Variants in DLG4 observed in about 807,000 individuals in gnomAD.
DLG4 encodes the protein disks large homolog 4.
Under a neutral mutation model 93.8 loss-of-function variants are expected in DLG4, and 7 were observed. The observed-to-expected ratio is 0.07, with a 90% confidence interval of 0.04 to 0.14. The LOEUF (loss-of-function observed/expected upper bound fraction) is 0.14, where lower values mean the gene tolerates loss of function less well. DLG4 is among the 10% of genes least tolerant of loss of function. The pLI is 1.00. For synonymous variants in DLG4, 341 were observed against 387.6 expected (o/e 0.88, Z 1.41); for missense variants, 545 against 992.9 (o/e 0.55, Z 6.06).
At chr17:7,209,119 G>A (rs2070611030) in intron 1 of DLG4, among the ~76,000 whole-genome samples, 1 of 152,188 alleles carries the variant, frequency 6.6e-6, no homozygotes, top group East Asian at 1.9e-4. Flanking sequence ...AGCATGCTGA[G>A]CCTCAGAGTG....
intron 1 of DLG4, among the ~76,000 whole-genome samples, chr17:7,212,967 A>T (rs1028422627): frequency 6.6e-6 from 1 of 152,154 alleles, no homozygotes. Context: ...TGGGCAGCAG[A>T]GATTGCAGTG....
chr17:7,219,812 G>A (rs773007123), upstream of DLG4: 21 of 1,528,670 alleles, frequency 1.4e-5, no homozygotes, highest in Non-Finnish European at 1.8e-5. Context: ...TCAGCGGAAC[G>A]CAGGGCCGGG....
intron 17 of DLG4, chr17:7,192,456 G>A (rs1263547281): frequency 5.5e-6 from 1 of 181,060 alleles, no homozygotes; most frequent in East Asian, 1.6e-4. Context: ...CAGATGGGAG[G>A]GAGTGAGGCA....
Position 7,203,001 on chromosome 17 carries a change from G to A in DLG4, c.689C>T (p.Ala230Val), listed in dbSNP as rs1470435082. ...AACATCATACGTGTTCTTCAGGGCTGCCACAGCATCTTCATGCATGACGTC... is the reference window on the plus strand; with the variant it reads ...AACATCATACGTGTTCTTCAGGGCTACCACAGCATCTTCATGCATGACGTC... ...LEDVMHEDAV[A>V]ALKNTYDVVY... is the part of the protein sequence containing the mutation. The change falls in exon 8 of 20, where the codon GCA (alanine) becomes GTA (valine). Residue 230 changes from alanine to valine, a missense_variant. Coordinates refer to ENST00000399506, the MANE Select transcript of DLG4 (RefSeq NM_001321075.3). This position sits in a 1 kb window ranked among gnomAD's most constrained non-coding sequence, Gnocchi z 7.2. 1.9e-6 allele frequency: 3 copies of A among 1,612,840 alleles called. No individual in the cohort carries two copies. The highest frequency in any genetic ancestry group is 2.5e-6 in the Non-Finnish European group (3 of 1,178,932).
chr17:7,198,909 G>A (rs995574035), intron 8 of DLG4, among the ~76,000 whole-genome samples: 3 of 151,670 alleles, frequency 2.0e-5, no homozygotes, highest in East Asian at 1.9e-4. Flanking sequence ...CCAGCTACTC[G>A]GGAGGCTGAG....
Position 7,187,882 on chromosome 17 carries a change from A to G in DLG4, c.*2826T>C, listed in dbSNP as rs577227411. ...TCAAGAGTTTGAGACCAGCTTGGCT[A>G]ACATGGTGAAACCCCGTTTCTACTA... On this transcript the variant is annotated 3_prime_UTR_variant, in exon 20 of 20. Coordinates refer to ENST00000399506, the MANE Select transcript of DLG4 (RefSeq NM_001321075.3). Among the ~76,000 whole-genome samples, 1 of 152,246 alleles carries G rather than the reference A, an allele frequency of 6.6e-6. No homozygotes were observed. The highest frequency in any genetic ancestry group is 2.4e-5 in the African/African-American group (1 of 41,550).
In DLG4 at chr17:7,191,550, C is replaced by T. The variant is rs2069497917; in HGVS notation, c.1977-192G>A. On this transcript the variant is annotated intron_variant, in intron 18 of 19. Transcript: ENST00000399506. The surrounding 1 kb of genome is among the most constrained non-coding windows in gnomAD (Gnocchi z 6.6). ...CCCCTGCCACCCGCAACCGCCCCAG[C>T]CAGGTGTGGCTACTCCAGGGACATC... 1.6e-6 allele frequency: 1 copy of T among 618,658 alleles called. No individual in the cohort carries two copies. The highest frequency in any genetic ancestry group is 1.8e-5 in the African/African-American group (1 of 54,176). The allele number at this position is 618,658 out of a possible 1,614,324, so 38.3% of individuals were successfully genotyped here.
At chr17:7,219,830 G>A (rs370487268), upstream of DLG4, 88 of 1,536,368 alleles carry the variant, frequency 5.7e-5, 1 homozygote, top group African/African-American at 8.6e-4. Flanking sequence ...GGGCTCCAGG[G>A]AACTACAGCT....
rs2069602834 is a variant in DLG4, at chr17:7,193,406, C to A, written c.1693+77G>T. ...ACACCGATCCCCCAGGAGGCTCTGC[C>A]TATGGCCCCAGGGATGGGCCTCCCC... On this transcript the variant is annotated intron_variant, in intron 16 of 19. Transcript: ENST00000399506. The surrounding 1 kb of genome is among the most constrained non-coding windows in gnomAD (Gnocchi z 6.7). The A allele has an allele frequency of 2.1e-6, 3 of 1,395,806 alleles. No homozygotes were observed. The highest frequency in any genetic ancestry group is 2.7e-5 in the Admixed American group (1 of 37,242). The allele number at this position is 1,395,806 out of a possible 1,614,324, so 86.5% of individuals were successfully genotyped here.
At chr17:7,204,473 G>C in intron 2 of DLG4, 1 of 520,814 alleles carries the variant, frequency 1.9e-6, no homozygotes, top group South Asian at 3.0e-5. Flanking sequence ...ACACGCGCAA[G>C]GATCTAACTC....
At chr17:7,209,696 A>C (rs1408153494) in intron 1 of DLG4, among the ~76,000 whole-genome samples, 1 of 151,974 alleles carries the variant, frequency 6.6e-6, no homozygotes, top group African/African-American at 2.4e-5. Flanking sequence ...CTTGAGCCCA[A>C]GAGGTGGAGG....
chr17:7,192,295 G>A, intron 17 of DLG4: 1 of 392,580 alleles, frequency 2.5e-6, no homozygotes. Context: ...GATGGTGGCA[G>A]AGCCGGGGCA....
intron 8 of DLG4, among the ~76,000 whole-genome samples, chr17:7,197,271 G>A (rs1392599557): frequency 6.6e-6 from 1 of 152,038 alleles, no homozygotes; most frequent in African/African-American, 2.4e-5. Flanking sequence ...GGGGATAAAG[G>A]ATTTGAACGT....
At position 7,194,510 on chromosome 17, in the gene DLG4, G is replaced by A. The variant is rs1339561751; in HGVS notation, c.1302-15C>T. ...CAAACAGGGCCCTGGAGGGCAAGTGGCTATCGGTCAGAGCCCAGCTGAGGA... is the reference window on the plus strand; with the variant it reads ...CAAACAGGGCCCTGGAGGGCAAGTGACTATCGGTCAGAGCCCAGCTGAGGA... On this transcript the variant is annotated splice_polypyrimidine_tract_variant and intron_variant, in intron 11 of 19. Transcript: ENST00000399506. This position sits in a 1 kb window ranked among gnomAD's most constrained non-coding sequence, Gnocchi z 4.4. The A allele has an allele frequency of 1.3e-6, 2 of 1,593,294 alleles. No homozygotes were observed. The highest frequency in any genetic ancestry group is 1.7e-6 in the Non-Finnish European group (2 of 1,170,194).
chr17:7,213,879 T>C (rs1424461303), intron 1 of DLG4: 3 of 470,896 alleles, frequency 6.4e-6, no homozygotes, highest in African/African-American at 6.0e-5. Flanking sequence ...GTTTCATATC[T>C]GGTAGGAAGG....
At chr17:7,213,072 CCTTTT>C (rs1253162757) in intron 1 of DLG4, among the ~76,000 whole-genome samples, 1 of 145,280 alleles carries the variant, frequency 6.9e-6, no homozygotes, top group East Asian at 2.0e-4. Flanking sequence ...TTTTCCTTTT[CCTTTT>C]CTTTTCTTTC....
intron 8 of DLG4, among the ~76,000 whole-genome samples, chr17:7,198,098 C>T (rs2069896198): frequency 6.6e-6 from 1 of 152,114 alleles, no homozygotes; most frequent in Non-Finnish European, 1.5e-5. Flanking sequence ...TAAGTTTTAG[C>T]CACACTGACA....
In DLG4 at chr17:7,188,581, G is replaced by C. The variant is rs2069356554; in HGVS notation, c.*2127C>G. Among the ~76,000 whole-genome samples, 1 of 152,140 alleles carries C rather than the reference G, an allele frequency of 6.6e-6. No individual in the cohort carries two copies. The highest frequency in any genetic ancestry group is 2.4e-5 in the African/African-American group (1 of 41,428). On this transcript the variant is annotated 3_prime_UTR_variant, in exon 20 of 20. Transcript: ENST00000399506. ...ACATAGCAGGATCTCAGGAGCTTCAGTTAGGACTTAGGGCCAGGAAAATAT... is the reference window on the plus strand; with the variant it reads ...ACATAGCAGGATCTCAGGAGCTTCACTTAGGACTTAGGGCCAGGAAAATAT...
In DLG4 at chr17:7,187,305, C is replaced by CGGGGGGGG. The variant is rs1394460871; in HGVS notation, c.*3402_*3403insCCCCCCCC. Among the ~76,000 whole-genome samples, 5 of 28,812 alleles carry CGGGGGGGG rather than the reference C, an allele frequency of 1.7e-4. No individual in the cohort carries two copies. Among genetic ancestry groups the CGGGGGGGG allele is most frequent in the South Asian group, 2.0e-3 (2 of 982 alleles). 18.9% of individuals were successfully genotyped at this position (28,812 alleles called of 152,430 possible). A position where few individuals can be genotyped will look rare whatever the true frequency, so the allele number is the denominator to read the frequency against. On this transcript the variant is annotated 3_prime_UTR_variant, in exon 20 of 20. Transcript: ENST00000399506. ...CTGTAATCCTAGCACTTTGGGAGGC[C>CGGGGGGGG]GAGGGGGGGGGGGGTGGATCACCCG... is the stretch of plus-strand genomic sequence containing the variant.
Sources: gnomAD v4.1 joint callset for allele counts (sites outside exome capture counted in the v4.1 genomes callset) on GRCh38, gnomAD v4.1.1 for gene constraint, Gnocchi (gnomAD v3.1) non-coding constraint, MANE v1.5 for transcripts, NCBI Gene and HGNC (gene_info 2026-07-23, HGNC 2026-07-21) for gene names.